The following ARMH1 variants were observed in gnomAD, a reference collection of about 807,000 sequenced individuals.
ARMH1 encodes the protein armadillo-like helical domain containing protein 1.
A neutral mutation model predicts 50.2 loss-of-function variants in ARMH1; 34 were observed. The observed-to-expected ratio is 0.68, with a 90% CI of 0.51 to 0.90. ARMH1 has a LOEUF of 0.90. ARMH1 is among the 40% of genes least tolerant of loss of function. ARMH1 has a pLI of 0.00. For missense variants in ARMH1, 538 were observed against 553.9 expected (o/e 0.97, Z 0.29); for synonymous variants, 221 against 224.2 (o/e 0.99, Z 0.13).
At chr1:44,703,664 G>A (rs1646197323) in intron 5 of ARMH1, among the ~76,000 whole-genome samples, 1 of 151,148 alleles carries the variant, frequency 6.6e-6, no homozygotes, top group Non-Finnish European at 1.5e-5. Flanking sequence ...GGAGGCGGAG[G>A]TTGCAGTGAG....
intron 1 of ARMH1, chr1:44,688,074 T>G (rs1645534354): frequency 6.6e-6 from 1 of 152,256 alleles, no homozygotes; most frequent in Admixed American, 6.5e-5. Flanking sequence ...TTTCTTGATG[T>G]CAGTTTGGCA....
chr1:44,677,944 G>A (rs1373839188), intron 1 of ARMH1, among the ~76,000 whole-genome samples: 1 of 152,138 alleles, frequency 6.6e-6, no homozygotes, highest in Non-Finnish European at 1.5e-5. Flanking sequence ...AATCCTGGGG[G>A]TGTAAGAATC....
chr1:44,696,081 T>G (rs1311285203), intron 2 of ARMH1, among the ~76,000 whole-genome samples: 1 of 151,632 alleles, frequency 6.6e-6, no homozygotes, highest in African/African-American at 2.4e-5. Context: ...GGGAGCAGGG[T>G]GGGGACAATG....
chr1:44,706,860 G>A (rs1469621247), intron 6 of ARMH1, among the ~76,000 whole-genome samples: 3 of 152,086 alleles, frequency 2.0e-5, no homozygotes, highest in African/African-American at 7.2e-5. Flanking sequence ...GGGATGACCT[G>A]GTAGTAGAAT....
At position 44,713,097 on chromosome 1, in the gene ARMH1, CT is replaced by C. The variant is rs538780455; in HGVS notation, c.724+8945del. On this transcript the variant is annotated intron_variant, in intron 6 of 11. Coordinates refer to ENST00000535358, the MANE Select transcript of ARMH1 (RefSeq NM_001145636.2). Reference sequence around the variant, plus strand: ...AATGGCAAGAGCTACTGCGCCCGGCCTTTTTTTTTTTTTTTTTTTTTGAGAC... The same window carrying C: ...AATGGCAAGAGCTACTGCGCCCGGCCTTTTTTTTTTTTTTTTTTTTGAGAC... Among the ~76,000 whole-genome samples the C allele has an allele frequency of 0.019, 2,276 of 118,852 alleles. 142 individuals are homozygous for C. In the East Asian group the frequency reaches 0.33, roughly 17 times the overall value. The allele number at this position is 118,852 out of a possible 152,430, so 78.0% of individuals were successfully genotyped here. A position where few individuals can be genotyped will look rare whatever the true frequency, so the allele number is the denominator to read the frequency against.
At chr1:44,709,453 A>G (rs1335097594) in intron 6 of ARMH1, among the ~76,000 whole-genome samples, 1 of 152,148 alleles carries the variant, frequency 6.6e-6, no homozygotes, top group South Asian at 2.1e-4. Flanking sequence ...GGGGCGGATC[A>G]CGAGGTCAGG....
At position 44,674,736 on chromosome 1, in the gene ARMH1, G is replaced by A; in HGVS notation, c.-160G>A. On this transcript the variant is annotated 5_prime_UTR_variant, in exon 1 of 12. Coordinates refer to ENST00000535358, the MANE Select transcript of ARMH1 (RefSeq NM_001145636.2). Reference sequence around the variant, plus strand: ...CATGTAGGTGAGAGGCGGCTGAAGAGTTGCTGTATTCTGGGAATGGGCAGG... The same window carrying A: ...CATGTAGGTGAGAGGCGGCTGAAGAATTGCTGTATTCTGGGAATGGGCAGG... The A allele has an allele frequency of 3.6e-6, 1 of 280,188 alleles. No homozygotes were observed. Among genetic ancestry groups the A allele is most frequent in the South Asian group, 8.4e-5 (1 of 11,902 alleles). 17.4% of individuals were successfully genotyped at this position (280,188 alleles called of 1,614,324 possible).
chr1:44,700,245 A>G (rs1290937187), intron 4 of ARMH1, among the ~76,000 whole-genome samples: 3 of 152,212 alleles, frequency 2.0e-5, no homozygotes, highest in African/African-American at 7.2e-5. Context: ...CGGGAGAAAC[A>G]CCTTCCTCTT....
At chr1:44,713,856 T>C (rs1027402552) in intron 6 of ARMH1, among the ~76,000 whole-genome samples, 1 of 152,332 alleles carries the variant, frequency 6.6e-6, no homozygotes, top group Admixed American at 6.5e-5. Flanking sequence ...TAATTCTTTG[T>C]CCAGCAATAA....
rs932848821 is a variant in ARMH1, at chr1:44,720,456, T to C, written c.725-3666T>C. On this transcript the variant is annotated intron_variant, in intron 6 of 11. Coordinates refer to ENST00000535358, the MANE Select transcript of ARMH1 (RefSeq NM_001145636.2). The stretch of plus-strand genomic sequence containing the variant: ...ATCCAATGAGGTCTTTTCAACAAGA[T>C]GTATGGAGCATGCATTGTGTACATG... 2.6e-5 allele frequency among the ~76,000 whole-genome samples: 4 copies of C among 152,164 alleles called. No individual in the cohort carries two copies. The East Asian group carries it at 7.7e-4, about 29-fold the overall frequency.
chr1:44,713,047 C>T (rs1218135219), intron 6 of ARMH1, among the ~76,000 whole-genome samples: 3 of 142,884 alleles, frequency 2.1e-5, no homozygotes, highest in Non-Finnish European at 4.6e-5. Context: ...GACGGAGTCT[C>T]GCTCTGTCAC....
chr1:44,684,511 AGGCTAACC>A (rs375028471), intron 1 of ARMH1: 27 of 152,270 alleles, frequency 1.8e-4, no homozygotes, highest in African/African-American at 6.3e-4. Flanking sequence ...AGGTGCAGGG[AGGCTAACC>A]GGCTTGAAGC....
At chr1:44,685,818 G>A (rs943096703) in intron 1 of ARMH1, among the ~76,000 whole-genome samples, 5 of 151,948 alleles carry the variant, frequency 3.3e-5, no homozygotes, top group African/African-American at 4.8e-5. Context: ...AGTAGAGACG[G>A]GGTTTCACCA....
At chr1:44,709,395 A>G (rs779638401) in intron 6 of ARMH1, among the ~76,000 whole-genome samples, 5 of 152,204 alleles carry the variant, frequency 3.3e-5, no homozygotes, top group African/African-American at 1.2e-4. Context: ...TATCTCAGGC[A>G]GGCGCGGTGG....
At chr1:44,725,259 C>A (rs1648128609) in intron 11 of ARMH1, 32 bp from the exon 12 acceptor site, 1 of 1,551,802 alleles carries the variant, frequency 6.4e-7, no homozygotes, top group Non-Finnish European at 8.7e-7. Context: ...GCGCCGCCAG[C>A]ACAGCCTCAC....
intron 6 of ARMH1, among the ~76,000 whole-genome samples, chr1:44,722,222 A>G (rs1329195305): frequency 6.6e-6 from 1 of 152,080 alleles, no homozygotes; most frequent in Non-Finnish European, 1.5e-5. Flanking sequence ...GGGAGAGCAC[A>G]TGGCCAAGTC....
At chr1:44,677,345 A>G (rs774224521) in intron 1 of ARMH1, among the ~76,000 whole-genome samples, 8 of 152,216 alleles carry the variant, frequency 5.3e-5, no homozygotes, top group Non-Finnish European at 8.8e-5. Flanking sequence ...TGGTGGGTAC[A>G]CAGAGGTTAG....
At chr1:44,708,900 C>T (rs1437466044) in intron 6 of ARMH1, among the ~76,000 whole-genome samples, 1 of 152,176 alleles carries the variant, frequency 6.6e-6, no homozygotes, top group Non-Finnish European at 1.5e-5. Flanking sequence ...TAGCTCACCT[C>T]TCCCTTTTTC....
chr1:44,720,264 C>T (rs1428826495), intron 6 of ARMH1, among the ~76,000 whole-genome samples: 1 of 150,926 alleles, frequency 6.6e-6, no homozygotes, highest in African/African-American at 2.4e-5. Flanking sequence ...ACAGTTCTGG[C>T]TCTCCAGCCT....
Sources: allele counts gnomAD v4.1 joint callset (sites outside exome capture counted in the v4.1 genomes callset), GRCh38; gene constraint gnomAD v4.1.1; transcripts MANE v1.5; gene names NCBI Gene and HGNC (gene_info 2026-07-23, HGNC 2026-07-21).